Variants in FGF13 observed in about 807,000 individuals in gnomAD.
FGF13 encodes fibroblast growth factor 13.
Under a neutral mutation model 19.5 loss-of-function variants are expected in FGF13, and 2 were observed. The observed-to-expected ratio is 0.10, with a 90% CI of 0.04 to 0.32. The LOEUF (loss-of-function observed/expected upper bound fraction) is 0.32. Ranked by LOEUF, FGF13 falls within the 10% of genes least tolerant of loss-of-function variation. The pLI is 1.00. For synonymous variants in FGF13, 72 were observed against 76.9 expected (o/e 0.94, Z 0.33); for missense variants, 113 against 192.7 (o/e 0.59, Z 2.45).
intron 1 of FGF13, among the ~76,000 whole-genome samples, chrX:139,145,330 T>C (rs896323605): frequency 9.8e-5 from 11 of 111,794 alleles, no homozygotes; most frequent in African/African-American, 3.6e-4. Flanking sequence ...ACAAGTATAC[T>C]TTTGAGAGTG....
intron 1 of FGF13, among the ~76,000 whole-genome samples, chrX:139,033,027 CAAAAA>C (rs758766077): frequency 1.5e-3 from 41 of 27,263 alleles, no homozygotes; most frequent in South Asian, 7.7e-3. Context: ...TCTGATTATC[CAAAAA>C]AAAAAAAAAA....
intron 1 of FGF13, among the ~76,000 whole-genome samples, chrX:139,122,752 C>T (rs1806557472): frequency 9.0e-6 from 1 of 111,463 alleles, no homozygotes; most frequent in Non-Finnish European, 1.9e-5. Context: ...TACTCAGTCC[C>T]TCAGACCAAA....
At chrX:138,849,177 A>C (rs754483734) in intron 3 of FGF13, among the ~76,000 whole-genome samples, 1 of 111,585 alleles carries the variant, frequency 9.0e-6, no homozygotes, top group Admixed American at 9.6e-5. Flanking sequence ...CATCTGTATT[A>C]TCAGTAAAAG....
chrX:139,097,352 G>A (rs1245658514), intron 1 of FGF13, among the ~76,000 whole-genome samples: 1 of 111,259 alleles, frequency 9.0e-6, no homozygotes, highest in Non-Finnish European at 1.9e-5. Context: ...TTTTAAGGAA[G>A]TTTACTAATT....
Position 139,082,292 on chromosome X carries a change from C to T in FGF13, c.-113+121124G>A, listed in dbSNP as rs183892103. On this transcript the variant is annotated intron_variant, in intron 1 of 2. Transcript: ENST00000421460. ...CTCAAATGTCCCCTCTTCAGAAAGGCCTTTCCTAACCATTCTATCTAAAGA... is the reference window on the plus strand; with the variant it reads ...CTCAAATGTCCCCTCTTCAGAAAGGTCTTTCCTAACCATTCTATCTAAAGA... 2.9e-3 allele frequency among the ~76,000 whole-genome samples: 319 copies of T among 111,677 alleles called. 2 individuals carry two copies. Among genetic ancestry groups the T allele is most frequent in the African/African-American group, 0.01 (308 of 30,789 alleles).
intron 1 of FGF13, among the ~76,000 whole-genome samples, chrX:139,080,278 A>G (rs767928610): frequency 1.8e-5 from 2 of 111,630 alleles, no homozygotes; most frequent in African/African-American, 6.5e-5. Context: ...TTCCATGCCA[A>G]TCTCTCTTGG....
At chrX:139,006,230 G>A (rs1487328569) in intron 1 of FGF13, among the ~76,000 whole-genome samples, 1 of 111,635 alleles carries the variant, frequency 9.0e-6, no homozygotes, top group Non-Finnish European at 1.9e-5. Context: ...ACGTCTGGCA[G>A]CAGACTTTTC....
intron 3 of FGF13, among the ~76,000 whole-genome samples, chrX:138,677,497 C>A (rs1368763101): frequency 6.1e-4 from 68 of 111,590 alleles, no homozygotes; most frequent in African/African-American, 2.0e-3. Flanking sequence ...AAACAAACAA[C>A]CCCATCAAAA....
At chrX:138,647,412 T>G (rs2124121611) in intron 3 of FGF13, among the ~76,000 whole-genome samples, 1 of 110,794 alleles carries the variant, frequency 9.0e-6, no homozygotes, top group East Asian at 2.9e-4. Flanking sequence ...AAGACAACGG[T>G]TTCCTATTTA....
intron 3 of FGF13, among the ~76,000 whole-genome samples, chrX:138,658,387 T>C (rs910097572): frequency 8.9e-6 from 1 of 112,387 alleles, no homozygotes; most frequent in Middle Eastern, 4.2e-3. Flanking sequence ...CTCTTTTCTT[T>C]TGTATGAATA....
chrX:139,204,509 T>A (rs1373899931), upstream of FGF13, among the ~76,000 whole-genome samples: 1 of 112,509 alleles, frequency 8.9e-6, no homozygotes, highest in East Asian at 2.9e-4. Context: ...ACTCCCCGGC[T>A]TCACTGCCGG....
At chrX:138,940,073 C>T (rs188355682) in intron 1 of FGF13, among the ~76,000 whole-genome samples, 1 of 111,604 alleles carries the variant, frequency 9.0e-6, no homozygotes, top group Non-Finnish European at 1.9e-5. Context: ...GCAACCTCAC[C>T]AGGATCTGTT....
chrX:138,859,951 C>T (rs1176692458), intron 2 of FGF13, among the ~76,000 whole-genome samples: 10 of 111,276 alleles, frequency 9.0e-5, no homozygotes, highest in Admixed American at 8.7e-4. Flanking sequence ...AACATTTCCT[C>T]GGAAATCGTG....
intron 1 of FGF13, among the ~76,000 whole-genome samples, chrX:138,903,775 T>A (rs2091543895): frequency 8.9e-6 from 1 of 111,924 alleles, no homozygotes; most frequent in African/African-American, 3.2e-5. Flanking sequence ...TTAAACTAAA[T>A]TACCTTGCAT....
Position 138,626,152 on chromosome X carries a change from A to G in FGF13, c.*6698T>C, listed in dbSNP as rs1243646508. ...AGAGATGCTCAAATAATACAGGCCT[A>G]AGTGGCTCATAATGTTTTTCTGGTA... On this transcript the variant is annotated 3_prime_UTR_variant, in exon 5 of 5. Coordinates refer to ENST00000315930, the MANE Select transcript of FGF13 (RefSeq NM_004114.5). 2 of 112,172 alleles carry G rather than the reference A, an allele frequency of 1.8e-5. No individual in the cohort carries two copies. Among genetic ancestry groups the G allele is most frequent in the Non-Finnish European group, 3.8e-5 (2 of 53,221 alleles). The allele number at this position is 112,172 out of a possible 1,213,427, so 9.2% of individuals were successfully genotyped here.
rs141448875 is a variant in FGF13, at chrX:138,914,875, T to C, written c.-112-50225A>G. 1.9e-3 allele frequency among the ~76,000 whole-genome samples: 211 copies of C among 111,160 alleles called. 5 individuals are homozygous for C. The East Asian group carries it at 0.044, about 23-fold the overall frequency. The stretch of plus-strand genomic sequence containing the variant: ...CCCATGACAAATGTATCACCATCTA[T>C]ACTCCACTGGTAACCACTTGGCACT... On this transcript the variant is annotated intron_variant, in intron 1 of 2. Coordinates refer to the FGF13 transcript ENST00000421460.
intron 1 of FGF13, among the ~76,000 whole-genome samples, chrX:139,074,896 C>A (rs746695726): frequency 5.4e-5 from 6 of 111,856 alleles, no homozygotes; most frequent in South Asian, 3.8e-4. Flanking sequence ...CCTTCACATA[C>A]CCTTGTCTAA....
intron 1 of FGF13, among the ~76,000 whole-genome samples, chrX:138,889,036 C>A (rs977120353): frequency 1.8e-5 from 2 of 112,024 alleles, no homozygotes; most frequent in Admixed American, 9.5e-5. Flanking sequence ...CACTGTCAGA[C>A]ACAGAGCCCC....
chrX:138,727,279 A>G (rs1287865846), intron 1 of FGF13, among the ~76,000 whole-genome samples: 2 of 110,357 alleles, frequency 1.8e-5, no homozygotes, highest in African/African-American at 3.3e-5. Context: ...TAGCACCCCT[A>G]TCAATGAGGC....
Sources: gnomAD v4.1 joint callset for allele counts (sites outside exome capture counted in the v4.1 genomes callset) on GRCh38, gnomAD v4.1.1 for gene constraint, MANE v1.5 for transcripts, NCBI Gene and HGNC (gene_info 2026-07-23, HGNC 2026-07-21) for gene names.